The following RUNX1 variants were observed in gnomAD, a reference collection of about 807,000 sequenced individuals.
RUNX1 encodes the protein RUNX family transcription factor 1, also known as runt-related transcription factor 1.
A neutral mutation model predicts 42.8 loss-of-function variants in RUNX1; 19 were observed. The ratio of observed to expected loss-of-function variants is 0.44; its 90% CI spans 0.31 to 0.65. The LOEUF (loss-of-function observed/expected upper bound fraction) is 0.65, where lower values mean the gene tolerates loss of function less well. RUNX1 is among the 30% of genes least tolerant of loss of function. The probability of loss-of-function intolerance (pLI) is 0.07; values close to 1 mark genes in which losing one functional copy is unlikely to be tolerated. For missense variants in RUNX1, 528 were observed against 672.0 expected (o/e 0.79, Z 2.37); for synonymous variants, 271 against 289.4 (o/e 0.94, Z 0.64).
At position 34,792,695 on chromosome 21, in the gene RUNX1, C is replaced by T; in HGVS notation, c.968-85G>A. On this transcript the variant is annotated intron_variant, in intron 8 of 8. Transcript: ENST00000675419. This position sits in a 1 kb window ranked among gnomAD's most constrained non-coding sequence, Gnocchi z 6.9. Reference sequence around the variant, plus strand: ...CTTCCCTCTGCCCCAGGGGGCTACCCAGGATGATACCGCCTAGGAGGATGG... The same window carrying T: ...CTTCCCTCTGCCCCAGGGGGCTACCTAGGATGATACCGCCTAGGAGGATGG... 1 of 1,318,678 alleles carries T rather than the reference C, an allele frequency of 7.6e-7. No homozygotes were observed. Among genetic ancestry groups the T allele is most frequent in the Non-Finnish European group, 1.0e-6 (1 of 969,328 alleles). The allele number at this position is 1,318,678 out of a possible 1,614,324, so 81.7% of individuals were successfully genotyped here.
At chr21:34,968,424 GGCAGCCA>G (rs1317468535) in intron 2 of RUNX1, among the ~76,000 whole-genome samples, 1 of 152,080 alleles carries the variant, frequency 6.6e-6, no homozygotes, top group Non-Finnish European at 1.5e-5. Context: ...CCACAGGTGG[GGCAGCCA>G]GCACGGAAGA....
intron 7 of RUNX1, chr21:34,821,501 G>T: frequency 6.8e-7 from 1 of 1,480,554 alleles, no homozygotes. Context: ...ACGGTTTGCA[G>T]AGGGGGAGAA....
At chr21:34,973,369 G>C (rs996598223) in intron 2 of RUNX1, among the ~76,000 whole-genome samples, 1 of 152,170 alleles carries the variant, frequency 6.6e-6, no homozygotes, top group Non-Finnish European at 1.5e-5. Flanking sequence ...TCCCTGCAAC[G>C]TACTGGCTTC....
At chr21:35,022,889 CTGTT>C (rs2059209204) in intron 2 of RUNX1, among the ~76,000 whole-genome samples, 1 of 55,052 alleles carries the variant, frequency 1.8e-5, no homozygotes, top group African/African-American at 5.8e-5. Context: ...GAATGATACT[CTGTT>C]TGAATAATAA....
intron 6 of RUNX1, among the ~76,000 whole-genome samples, chr21:34,849,192 A>G (rs1238525227): frequency 7.6e-6 from 1 of 131,806 alleles, no homozygotes; most frequent in Non-Finnish European, 1.6e-5. Context: ...GAGAGTTGGC[A>G]GATTGATTCC....
In RUNX1 at chr21:34,846,362, C is replaced by T. The variant is rs374628929; in HGVS notation, c.614-11761G>A. The stretch of plus-strand genomic sequence containing the variant: ...CTTCCCCCTTCTCCTGCCCTGCCCC[C>T]ACCTTCTCAGTCACAATCTTTGTCT... On this transcript the variant is annotated intron_variant, in intron 6 of 8. Transcript: ENST00000675419. Among the ~76,000 whole-genome samples, 17 of 151,852 alleles carry T rather than the reference C, an allele frequency of 1.1e-4. 1 individual carries two copies. Among genetic ancestry groups the T allele is most frequent in the African/African-American group, 4.1e-4 (17 of 41,398 alleles).
intron 2 of RUNX1, among the ~76,000 whole-genome samples, chr21:34,909,344 T>C (rs1384991921): frequency 2.0e-5 from 3 of 152,198 alleles, no homozygotes; most frequent in African/African-American, 7.2e-5. Context: ...ATCTTTTAAA[T>C]GTGGAAAACA....
chr21:35,027,604 G>C (rs1569156526), intron 2 of RUNX1, among the ~76,000 whole-genome samples: 1 of 152,242 alleles, frequency 6.6e-6, no homozygotes, highest in Non-Finnish European at 1.5e-5. Context: ...AGGAAAGTTT[G>C]AAATGGTTAA....
At chr21:34,928,091 C>A (rs935940835) in intron 2 of RUNX1, among the ~76,000 whole-genome samples, 1 of 152,178 alleles carries the variant, frequency 6.6e-6, no homozygotes, top group Admixed American at 6.5e-5. Context: ...CCATAAATAG[C>A]CACTAGTCTT....
chr21:34,808,328 C>G (rs1048744574), intron 7 of RUNX1, among the ~76,000 whole-genome samples: 1 of 152,190 alleles, frequency 6.6e-6, no homozygotes, highest in Non-Finnish European at 1.5e-5. Context: ...TTTGAGGGAT[C>G]CCATCCTCAC....
intron 2 of RUNX1, among the ~76,000 whole-genome samples, chr21:34,926,461 C>CA (rs1188609077): frequency 0.012 from 87 of 7,148 alleles, 25 homozygotes; most frequent in African/African-American, 0.023. Flanking sequence ...GACCCAGTCT[C>CA]AAAAAAAAAA....
rs150027673 is a variant in RUNX1, at chr21:34,799,813, G to A, written c.806-351C>T. Among the ~76,000 whole-genome samples, 129 of 152,312 alleles carry A rather than the reference G, an allele frequency of 8.5e-4. 1 individual carries two copies. Among genetic ancestry groups the A allele is most frequent in the African/African-American group, 2.9e-3 (122 of 41,576 alleles). ...GAACTTCAAGTATCATATGACTGCT[G>A]ACATGATTTCAGCTTTGCCAATAAT... is the stretch of plus-strand genomic sequence containing the variant. On this transcript the variant is annotated intron_variant, in intron 7 of 8. Coordinates refer to ENST00000675419, the MANE Select transcript of RUNX1 (RefSeq NM_001754.5).
chr21:34,972,077 A>G (rs188231074), intron 2 of RUNX1, among the ~76,000 whole-genome samples: 2 of 152,320 alleles, frequency 1.3e-5, no homozygotes, highest in Admixed American at 1.3e-4. Context: ...TATATCCACT[A>G]CCCAAATCTT....
At chr21:34,970,329 A>G (rs556643177) in intron 2 of RUNX1, among the ~76,000 whole-genome samples, 7 of 152,376 alleles carry the variant, frequency 4.6e-5, no homozygotes, top group African/African-American at 1.7e-4. Flanking sequence ...CTCCAACACC[A>G]TTAAGGGTGG....
chr21:34,980,116 G>C (rs1569135491), intron 2 of RUNX1, among the ~76,000 whole-genome samples: 1 of 152,260 alleles, frequency 6.6e-6, no homozygotes, highest in Non-Finnish European at 1.5e-5. Context: ...GCTATATAAA[G>C]ATCTGCTATT....
At chr21:34,995,138 G>A (rs1306438454) in intron 2 of RUNX1, among the ~76,000 whole-genome samples, 3 of 152,212 alleles carry the variant, frequency 2.0e-5, no homozygotes, top group Non-Finnish European at 2.9e-5. Context: ...GGTGGGGACC[G>A]GCTCCTGAGC....
At chr21:34,847,247 A>G (rs940819659) in intron 6 of RUNX1, among the ~76,000 whole-genome samples, 3 of 152,222 alleles carry the variant, frequency 2.0e-5, no homozygotes, top group Non-Finnish European at 4.4e-5. Flanking sequence ...CCAACATTTA[A>G]AAAGGGTATC....
At chr21:34,834,234 G>A (rs1308129733) in intron 7 of RUNX1, 176 bp downstream of exon 7, 2 of 728,158 alleles carry the variant, frequency 2.7e-6, no homozygotes, top group Non-Finnish European at 4.9e-6. Context: ...GGGTGGGTGG[G>A]GCCCAAGACT....
At chr21:34,860,796 A>C (rs2057563287) in intron 5 of RUNX1, among the ~76,000 whole-genome samples, 1 of 152,228 alleles carries the variant, frequency 6.6e-6, no homozygotes, top group African/African-American at 2.4e-5. Flanking sequence ...TGCGTGTCTT[A>C]ATACAAAGGA....
Sources: allele counts gnomAD v4.1 joint callset (sites outside exome capture counted in the v4.1 genomes callset), GRCh38; gene constraint gnomAD v4.1.1; non-coding constraint Gnocchi (gnomAD v3.1); transcripts MANE v1.5; gene names NCBI Gene and HGNC (gene_info 2026-07-23, HGNC 2026-07-21).